The following MAGI2 variants were observed in gnomAD, a reference collection of about 807,000 sequenced individuals.
The protein encoded by MAGI2 is membrane-associated guanylate kinase, WW and PDZ domain-containing protein 2.
MAGI2 carries 35 observed loss-of-function variants against 133.3 expected under a neutral mutation model. The observed-to-expected ratio is 0.26, with a 90% CI of 0.20 to 0.35. The LOEUF is 0.35. Ranked by LOEUF, MAGI2 falls within the 10% of genes least tolerant of loss-of-function variation. The pLI, the probability that MAGI2 is intolerant of heterozygous loss-of-function variation, is 1.00. For missense variants in MAGI2, 1,636 were observed against 1,863.4 expected (o/e 0.88, Z 2.25); for synonymous variants, 729 against 710.6 (o/e 1.03, Z -0.41).
Position 78,638,989 on chromosome 7 carries a change from TCTC to T in MAGI2, c.419-11753_419-11751del, listed in dbSNP as rs542478181. Among the ~76,000 whole-genome samples the T allele has an allele frequency of 2.9e-3, 438 of 152,280 alleles. 1 individual carries two copies. The highest frequency in any genetic ancestry group is 9.8e-3 in the African/African-American group (409 of 41,550). The stretch of plus-strand genomic sequence containing the variant: ...TATATTTAGTTTGAAGCTTTTATAG[TCTC>T]CTCATGTAAAATTAATCTGGGCCAG... On this transcript the variant is annotated intron_variant, in intron 2 of 21. Coordinates refer to ENST00000354212, the MANE Select transcript of MAGI2 (RefSeq NM_012301.4).
At chr7:79,328,927 T>C (rs1839881027) in intron 1 of MAGI2, among the ~76,000 whole-genome samples, 1 of 152,132 alleles carries the variant, frequency 6.6e-6, no homozygotes, top group Non-Finnish European at 1.5e-5. Flanking sequence ...CTCATGATGG[T>C]TTAGCATCTT....
intron 1 of MAGI2, among the ~76,000 whole-genome samples, chr7:79,164,989 A>G (rs983955472): frequency 6.6e-6 from 1 of 152,154 alleles, no homozygotes; most frequent in South Asian, 2.1e-4. Context: ...TCCTATTTTG[A>G]TAACAGTATC....
chr7:78,864,323 G>A (rs916859002), intron 2 of MAGI2, among the ~76,000 whole-genome samples: 3 of 152,246 alleles, frequency 2.0e-5, no homozygotes, highest in East Asian at 1.9e-4. Flanking sequence ...TCACTTACAC[G>A]TATACCATTC....
intron 2 of MAGI2, among the ~76,000 whole-genome samples, chr7:78,708,587 C>T (rs1205693271): frequency 6.6e-6 from 1 of 152,080 alleles, no homozygotes; most frequent in Non-Finnish European, 1.5e-5. Context: ...ATATAGTCCC[C>T]TTGGGACTTA....
intron 3 of MAGI2, among the ~76,000 whole-genome samples, chr7:78,562,311 C>A (rs1800491179): frequency 6.6e-6 from 1 of 152,114 alleles, no homozygotes; most frequent in South Asian, 2.1e-4. Flanking sequence ...ATGTGTCTTT[C>A]TGTAGCAGAC....
At chr7:79,174,828 T>G (rs533543599) in intron 1 of MAGI2, among the ~76,000 whole-genome samples, 36 of 152,022 alleles carry the variant, frequency 2.4e-4, no homozygotes, top group Admixed American at 9.2e-4. Flanking sequence ...AGTAAATAAT[T>G]AGACAACAGT....
chr7:79,157,840 T>C (rs1055340895), intron 1 of MAGI2, among the ~76,000 whole-genome samples: 5 of 147,080 alleles, frequency 3.4e-5, no homozygotes, highest in Non-Finnish European at 6.0e-5. Flanking sequence ...CCACTGTGTG[T>C]ATCTAACAAG....
At chr7:78,718,253 A>G (rs79656835) in intron 2 of MAGI2, among the ~76,000 whole-genome samples, 1 of 152,292 alleles carries the variant, frequency 6.6e-6, no homozygotes, top group African/African-American at 2.4e-5. Flanking sequence ...CTCACTGTAA[A>G]GCTAGATTAT....
At chr7:79,100,290 A>G (rs1466028791) in intron 1 of MAGI2, among the ~76,000 whole-genome samples, 1 of 152,178 alleles carries the variant, frequency 6.6e-6, no homozygotes, top group Non-Finnish European at 1.5e-5. Flanking sequence ...AAATATGCCT[A>G]CTAACATCAG....
At chr7:78,033,070 C>A (rs1185568745) in intron 21 of MAGI2, among the ~76,000 whole-genome samples, 1 of 152,118 alleles carries the variant, frequency 6.6e-6, no homozygotes, top group African/African-American at 2.4e-5. Context: ...TCAAGAACAG[C>A]AGTCTGGAGG....
chr7:79,413,658 CTGTTA>C (rs1196965501), intron 1 of MAGI2: 1 of 152,082 alleles, frequency 6.6e-6, no homozygotes, highest in African/African-American at 2.4e-5. Flanking sequence ...TCCTTTGTGT[CTGTTA>C]TTTCTTCTTT....
intron 3 of MAGI2, among the ~76,000 whole-genome samples, chr7:78,535,031 G>C (rs111520474): frequency 9.9e-5 from 15 of 152,284 alleles, no homozygotes; most frequent in Admixed American, 2.0e-4. Context: ...TACTTGGGAG[G>C]CTGAGGCAGA....
rs71095386 is a variant in MAGI2 at position 79,191,402 on chromosome 7, CTTTTTTTTTTTTTT to C, written c.302-184210_302-184197del. On this transcript the variant is annotated intron_variant, in intron 1 of 21. Transcript: ENST00000354212. ...TCTTTTTTTCTTTTTCTTTTTCTTT[CTTTTTTTTTTTTTT>C]TTTTTTTTTTTTTTTTTTTAGAGAT... Among the ~76,000 whole-genome samples, 11 of 22,334 alleles carry C rather than the reference CTTTTTTTTTTTTTT, an allele frequency of 4.9e-4. 1 individual carries two copies. In the South Asian group the frequency reaches 7.9e-3, roughly 16 times the overall value. 14.7% of individuals were successfully genotyped at this position (22,334 alleles called of 152,430 possible).
intron 12 of MAGI2, among the ~76,000 whole-genome samples, chr7:78,186,702 CA>C (rs1463939023): frequency 6.6e-6 from 1 of 152,142 alleles, no homozygotes; most frequent in Non-Finnish European, 1.5e-5. Flanking sequence ...TACTATCTCA[CA>C]AGAAACTCTT....
At chr7:78,263,760 C>T (rs577798647) in intron 9 of MAGI2, among the ~76,000 whole-genome samples, 24 of 152,248 alleles carry the variant, frequency 1.6e-4, no homozygotes, top group African/African-American at 5.3e-4. Context: ...CACTTAACAT[C>T]CTTTAGTGCC....
intron 1 of MAGI2, among the ~76,000 whole-genome samples, chr7:79,366,020 T>C (rs1842687614): frequency 1.3e-5 from 2 of 148,756 alleles, no homozygotes; most frequent in Non-Finnish European, 1.5e-5. Flanking sequence ...CACAGGAGGA[T>C]CACTTAAGCC....
chr7:79,028,265 A>G (rs1047283721), intron 1 of MAGI2, among the ~76,000 whole-genome samples: 33 of 23,036 alleles, frequency 1.4e-3, no homozygotes, highest in African/African-American at 3.8e-3. Context: ...ATATATATAT[A>G]TATGTATGTA....
chr7:78,202,229 C>T (rs1386134815), intron 10 of MAGI2, among the ~76,000 whole-genome samples: 3 of 151,810 alleles, frequency 2.0e-5, no homozygotes, highest in Admixed American at 2.0e-4. Context: ...TCAAAATGGG[C>T]ATAGTTGACA....
intron 2 of MAGI2, among the ~76,000 whole-genome samples, chr7:78,736,964 C>A (rs962049744): frequency 1.3e-5 from 2 of 152,194 alleles, no homozygotes; most frequent in Admixed American, 6.6e-5. Flanking sequence ...GTTTGAGTTG[C>A]AAGCTGAACT....
Sources: gnomAD v4.1 joint callset for allele counts (sites outside exome capture counted in the v4.1 genomes callset) on GRCh38, gnomAD v4.1.1 for gene constraint, MANE v1.5 for transcripts, NCBI Gene and HGNC (gene_info 2026-07-23, HGNC 2026-07-21) for gene names.